Variants in ADAM7 observed in about 807,000 individuals in gnomAD.
ADAM7 encodes disintegrin and metalloproteinase domain-containing protein 7.
In ADAM7, 97 loss-of-function variants were observed where a neutral mutation model predicts 102.9. The ratio of observed to expected loss-of-function variants is 0.94; its 90% confidence interval spans 0.80 to 1.12. The LOEUF is 1.12. ADAM7 is among the 50% of genes most tolerant of loss of function. The pLI is 0.00. For missense variants in ADAM7, 991 were observed against 908.7 expected, an observed-to-expected ratio of 1.09 and a Z score of -1.16; for synonymous variants, 334 against 304.4, an observed-to-expected ratio of 1.10 and a Z score of -1.01.
At chr8:24,495,598 G>T (rs1000035619) in intron 16 of ADAM7, among the ~76,000 whole-genome samples, 1 of 152,110 alleles carries the variant, frequency 6.6e-6, no homozygotes, top group Non-Finnish European at 1.5e-5. Context: ...TTCAATCTCA[G>T]TTGCCATTTC....
intron 7 of ADAM7, among the ~76,000 whole-genome samples, chr8:24,471,107 A>G (rs990586379): frequency 6.6e-6 from 1 of 152,090 alleles, no homozygotes; most frequent in African/African-American, 2.4e-5. Flanking sequence ...AGTAAAAATA[A>G]ATTAAAAAAC....
chr8:24,462,131 T>C (rs1238347078), intron 3 of ADAM7, among the ~76,000 whole-genome samples: 1 of 152,244 alleles, frequency 6.6e-6, no homozygotes. Context: ...ATTTTCATTT[T>C]ATTTGGAGAT....
intron 4 of ADAM7, among the ~76,000 whole-genome samples, chr8:24,465,384 G>T (rs546550509): frequency 6.6e-6 from 1 of 152,164 alleles, no homozygotes; most frequent in African/African-American, 2.4e-5. Flanking sequence ...TTTTAGGGTG[G>T]ATTAAAAAGT....
intron 16 of ADAM7, 132 bp from the exon 17 acceptor site, chr8:24,499,104 A>C: frequency 1.6e-6 from 1 of 639,354 alleles, no homozygotes; most frequent in Non-Finnish European, 2.5e-6. Flanking sequence ...ACTTATAATT[A>C]AATCATGTAA....
chr8:24,458,104 G>C (rs1330179986), intron 3 of ADAM7, among the ~76,000 whole-genome samples: 1 of 152,078 alleles, frequency 6.6e-6, no homozygotes, highest in Non-Finnish European at 1.5e-5. Flanking sequence ...CAGCTTTTTA[G>C]TATACTTTGA....
intron 17 of ADAM7, 56 bp downstream of exon 17, chr8:24,499,372 TC>T: frequency 7.2e-7 from 1 of 1,388,746 alleles, no homozygotes. Flanking sequence ...TTTACTTTAT[TC>T]CCCAGCCTAT....
intron 9 of ADAM7, among the ~76,000 whole-genome samples, 191 bp from the exon 10 acceptor site, chr8:24,485,086 C>T (rs1026836310): frequency 2.6e-5 from 4 of 151,990 alleles, no homozygotes; most frequent in South Asian, 2.1e-4. Context: ...TTTTTCAATG[C>T]CTCTAATATC....
Position 24,508,600 on chromosome 8 carries a change from A to C in ADAM7, c.*54A>C, listed in dbSNP as rs1039935018. ...TGCAAGCTTAGGCTGGGGATTCTGG[A>C]TGCAACGTCTTTACAACCTTACCTA... On this transcript the variant is annotated 3_prime_UTR_variant, in exon 22 of 22. Transcript: ENST00000175238. 6.2e-6 allele frequency: 10 copies of C among 1,613,036 alleles called. No individual in the cohort carries two copies. The African/African-American group carries it at 1.1e-4, about 17-fold the overall frequency.
In ADAM7 at chr8:24,487,184, C is replaced by G. The variant is rs763043757; in HGVS notation, c.961-3C>G. On this transcript the variant is annotated splice_region_variant and splice_polypyrimidine_tract_variant and intron_variant, in intron 10 of 21. Coordinates refer to ENST00000175238, the MANE Select transcript of ADAM7 (RefSeq NM_003817.4). ...ATTTCTAATGCAATTGTTTTATCATCAGGATCTTTTACCTGACACAAACAT... is the reference window on the plus strand; with the variant it reads ...ATTTCTAATGCAATTGTTTTATCATGAGGATCTTTTACCTGACACAAACAT... 1 of 1,613,084 alleles carries G rather than the reference C, an allele frequency of 6.2e-7. No individual in the cohort carries two copies. The highest frequency in any genetic ancestry group is 1.3e-5 in the African/African-American group (1 of 74,984).
intron 3 of ADAM7, among the ~76,000 whole-genome samples, chr8:24,447,936 A>AC: frequency 9.1e-6 from 1 of 109,846 alleles, no homozygotes; most frequent in East Asian, 2.6e-4. Context: ...GTAAATAACA[A>AC]AACACACACA....
At chr8:24,447,099 T>C (rs947764366) in intron 2 of ADAM7, 87 bp from the exon 3 acceptor site, 2 of 615,436 alleles carry the variant, frequency 3.2e-6, no homozygotes, top group Non-Finnish European at 2.7e-6. Context: ...GGATTGGAGA[T>C]AGGGAACATT....
At chr8:24,442,375 T>C in intron 1 of ADAM7, 98 bp from the exon 2 acceptor site, 5 of 832,834 alleles carry the variant, frequency 6.0e-6, no homozygotes, top group Non-Finnish European at 1.1e-5. Context: ...GGCTGCTAAC[T>C]GGGGGCAAAT....
intron 8 of ADAM7, 84 bp downstream of exon 8, chr8:24,476,588 A>ACTCCCTTAATATCAG: frequency 9.3e-7 from 1 of 1,070,224 alleles, no homozygotes; most frequent in South Asian, 1.6e-5. Context: ...GGACTATTGT[A>ACTCCCTTAATATCAG]GTTACCTGAT....
At chr8:24,454,471 A>G (rs755969768) in intron 3 of ADAM7, among the ~76,000 whole-genome samples, 2 of 152,154 alleles carry the variant, frequency 1.3e-5, no homozygotes, top group Non-Finnish European at 2.9e-5. Flanking sequence ...TGCGGGATAT[A>G]ATCTCCTGGT....
Position 24,441,300 on chromosome 8 carries a change from T to C in ADAM7, c.52+140T>C, listed in dbSNP as rs1818365685. ...AGAGCTTCGACTAGATTACAGCTAA[T>C]CATGAGACTCCATGCATCTGTGTAA... is the stretch of plus-strand genomic sequence containing the variant. On this transcript the variant is annotated intron_variant, in intron 1 of 21. Coordinates refer to ENST00000175238, the MANE Select transcript of ADAM7 (RefSeq NM_003817.4). The C allele has an allele frequency of 4.0e-5, 31 of 774,914 alleles. 1 individual carries two copies. In the South Asian group the frequency reaches 4.5e-4, roughly 11 times the overall value. 48.0% of individuals were successfully genotyped at this position (774,914 alleles called of 1,614,324 possible).
At chr8:24,497,949 A>G (rs917466342) in intron 16 of ADAM7, among the ~76,000 whole-genome samples, 6 of 152,098 alleles carry the variant, frequency 3.9e-5, no homozygotes, top group Admixed American at 3.3e-4. Flanking sequence ...AACTATATTT[A>G]CAGCCAAGTT....
chr8:24,443,699 A>C (rs1440915652), intron 2 of ADAM7, among the ~76,000 whole-genome samples: 1 of 152,152 alleles, frequency 6.6e-6, no homozygotes, highest in Non-Finnish European at 1.5e-5. Context: ...GCACTTTGGG[A>C]GGCCGAGGAG....
At chr8:24,443,151 G>T (rs1425782684) in intron 2 of ADAM7, among the ~76,000 whole-genome samples, 1 of 152,190 alleles carries the variant, frequency 6.6e-6, no homozygotes, top group Non-Finnish European at 1.5e-5. Flanking sequence ...AAAGACATTA[G>T]ATGAATGTCC....
chr8:24,458,177 A>G (rs371339728), intron 3 of ADAM7, among the ~76,000 whole-genome samples: 8 of 152,180 alleles, frequency 5.3e-5, no homozygotes, highest in Non-Finnish European at 7.3e-5. Flanking sequence ...TTGCATTTCT[A>G]TATAAAACTT....
Sources: allele counts gnomAD v4.1 joint callset (sites outside exome capture counted in the v4.1 genomes callset), GRCh38; gene constraint gnomAD v4.1.1; transcripts MANE v1.5; gene names NCBI Gene and HGNC (gene_info 2026-07-23, HGNC 2026-07-21).